Variants in P4HA2 observed in about 807,000 individuals in gnomAD.
P4HA2 encodes prolyl 4-hydroxylase subunit alpha-2.
A neutral mutation model predicts 76.9 loss-of-function variants in P4HA2; 46 were observed. The ratio of observed to expected loss-of-function variants is 0.60; its 90% CI spans 0.47 to 0.76. P4HA2 has a LOEUF of 0.76. P4HA2 is among the 30% of genes least tolerant of loss of function. P4HA2 has a pLI of 0.00. For missense variants in P4HA2, 583 were observed against 669.4 expected, an observed-to-expected ratio of 0.87 and a Z score of 1.42; for synonymous variants, 243 against 254.0, an observed-to-expected ratio of 0.96 and a Z score of 0.41.
intron 4 of P4HA2, among the ~76,000 whole-genome samples, chr5:132,215,189 G>A (rs1268536446): frequency 6.6e-6 from 1 of 152,222 alleles, no homozygotes; most frequent in Non-Finnish European, 1.5e-5. Context: ...TTAGAATCTG[G>A]TGGGGTGGGA....
chr5:132,193,383 C>T (rs1750138626), intron 14 of P4HA2: 1 of 195,158 alleles, frequency 5.1e-6, no homozygotes, highest in Non-Finnish European at 1.0e-5. Flanking sequence ...GCTCTATTCC[C>T]ATGGCAACCT....
intron 5 of P4HA2, 24 bp from the exon 6 acceptor site, chr5:132,210,547 C>G: frequency 6.2e-7 from 1 of 1,613,416 alleles, no homozygotes; most frequent in Non-Finnish European, 8.5e-7. Context: ...AGTAAATTGT[C>G]AGGCTCCAAA....
At chr5:132,209,075 G>T in intron 7 of P4HA2, 63 bp downstream of exon 7, 2 of 1,250,642 alleles carry the variant, frequency 1.6e-6, no homozygotes, top group Non-Finnish European at 2.3e-6. Context: ...CCCCAAATCT[G>T]CCTGCCCAGA....
chr5:132,195,164 A>G, intron 13 of P4HA2, 142 bp from the exon 14 acceptor site: 1 of 656,696 alleles, frequency 1.5e-6, no homozygotes, highest in Non-Finnish European at 2.7e-6. Context: ...GGACTCCAGC[A>G]ACAGAGACAT....
intron 1 of P4HA2, among the ~76,000 whole-genome samples, chr5:132,220,284 A>C (rs1170425051): frequency 6.6e-6 from 1 of 152,198 alleles, no homozygotes; most frequent in Non-Finnish European, 1.5e-5. Flanking sequence ...CTTATACCTA[A>C]GGGATTGGGT....
rs761665006 is a variant in P4HA2, at chr5:132,209,374, A to ATC, written c.710-45_710-44dup. On this transcript the variant is annotated intron_variant, in intron 6 of 14. Coordinates refer to ENST00000360568, the MANE Select transcript of P4HA2 (RefSeq NM_001017974.2). ...TGAGAAGGAAAAGGAAACCACAAAC[A>ATC]TCTGTTAGGTCATTTAGAGAAATTA... 3.4e-6 allele frequency: 5 copies of ATC among 1,467,098 alleles called. No homozygotes were observed. In the African/African-American group the frequency reaches 7.0e-5, roughly 21 times the overall value. 90.9% of individuals were successfully genotyped at this position (1,467,098 alleles called of 1,614,324 possible).
chr5:132,199,764 T>C (rs1225737191), intron 10 of P4HA2: 1 of 152,274 alleles, frequency 6.6e-6, no homozygotes, highest in Non-Finnish European at 1.5e-5. Context: ...CAGTTGGCTA[T>C]TGTGTCTCAC....
chr5:132,218,587 CA>C lies in P4HA2; in HGVS notation c.39del (p.Phe13LeufsTer4). On this transcript the variant is annotated frameshift_variant, in exon 2 of 15. Coordinates refer to ENST00000360568, the MANE Select transcript of P4HA2 (RefSeq NM_001017974.2). LOFTEE classifies it high-confidence loss of function. ...TCGGCCTGCACACAGCTCAGGACAC[CA>C]AACCAGGCCATCAGCAATGCAGACA... ...LWVSALLMAW[F>X]GVLSCVQAEF... The C allele has an allele frequency of 1.2e-6, 2 of 1,613,952 alleles. No homozygotes were observed. Among genetic ancestry groups the C allele is most frequent in the Non-Finnish European group, 1.7e-6 (2 of 1,179,888 alleles).
intron 5 of P4HA2, among the ~76,000 whole-genome samples, chr5:132,210,982 G>T (rs1408754412): frequency 1.3e-5 from 2 of 152,222 alleles, no homozygotes; most frequent in Non-Finnish European, 2.9e-5. Context: ...TCTGAGGAAA[G>T]AATGGAGAAG....
At position 132,207,755 on chromosome 5, in the gene P4HA2, T is replaced by C. The variant is rs753657253; in HGVS notation, c.1033A>G (p.Met345Val). Residue 345 changes from methionine (M) to valine (V), a missense_variant, in exon 8 of 15, where the codon ATG becomes GTG. By Grantham distance (21) the Met-to-Val change is conservative (BLOSUM62 1). Coordinates refer to ENST00000360568, the MANE Select transcript of P4HA2 (RefSeq NM_001017974.2). ...SPHIVRYYDV[M>V]SDEEIERIKE... ...ATCCTCTCGATTTCCTCATCAGACA[T>C]GACATCGTAGTACCTGACGATGTGC... is the stretch of plus-strand genomic sequence containing the variant. 1 of 1,613,964 alleles carries C rather than the reference T, an allele frequency of 6.2e-7. No homozygotes were observed. Among genetic ancestry groups the C allele is most frequent in the East Asian group, 2.2e-5 (1 of 44,860 alleles).
At position 132,209,180 on chromosome 5, in the gene P4HA2, C is replaced by A. The variant is rs1014952802; in HGVS notation, c.861G>T (p.Arg287Ser). ...CACGACAGAGGCTCTCGTAAACATC[C>A]CTCTCAGGCAGGTAGTCCACAGGCC... ...YERPVDYLPE[R>S]DVYESLCRGE... The change falls in exon 7 of 15, where the codon AGG becomes AGT. Residue 287 changes from arginine to serine, a missense_variant. Arg to Ser is a moderately radical substitution (Grantham distance 110, BLOSUM62 -1). Coordinates refer to ENST00000360568, the MANE Select transcript of P4HA2 (RefSeq NM_001017974.2). 1.2e-6 allele frequency: 2 copies of A among 1,613,866 alleles called. No homozygotes were observed. The highest frequency in any genetic ancestry group is 2.7e-5 in the African/African-American group (2 of 74,898).
In P4HA2 at chr5:132,204,107, C is replaced by A. The variant is rs201956342; in HGVS notation, c.1126G>T (p.Val376Phe). ...VRDPKTGVLT[V>F]ASYRVSKSSW... The stretch of plus-strand genomic sequence containing the variant: ...CTTTTGGAAACCCGGTAGCTGGCGA[C>A]AGTGAGGACTCCTGTCTTGGGATCA... Residue 376 changes from valine (V) to phenylalanine (F), a missense_variant, in exon 9 of 15, where the codon GTC becomes TTC. Physicochemically the swap from Val to Phe is conservative, Grantham distance 50 (BLOSUM62 -1). Coordinates refer to ENST00000360568, the MANE Select transcript of P4HA2 (RefSeq NM_001017974.2). 51 of 1,613,930 alleles carry A rather than the reference C, an allele frequency of 3.2e-5. No individual in the cohort carries two copies. Among genetic ancestry groups the A allele is most frequent in the Non-Finnish European group, 4.3e-5 (51 of 1,179,872 alleles).
At chr5:132,195,672 A>AAAT (rs1358576607) in intron 12 of P4HA2, 192 bp from the exon 13 acceptor site, 1 of 619,264 alleles carries the variant, frequency 1.6e-6, no homozygotes. Context: ...GTGATTCATT[A>AAAT]GAACAGTCTC....
chr5:132,214,137 G>T, intron 4 of P4HA2, 84 bp from the exon 5 acceptor site: 1 of 1,410,246 alleles, frequency 7.1e-7, no homozygotes, highest in Non-Finnish European at 9.8e-7. Context: ...GCCACAAAGA[G>T]GGTCTCTGGC....
intron 12 of P4HA2, 177 bp downstream of exon 12, chr5:132,198,144 A>G: frequency 1.2e-6 from 2 of 1,608,440 alleles, no homozygotes; most frequent in South Asian, 2.2e-5. Flanking sequence ...TGGGGGTGGG[A>G]TATAAGGCAG....
rs1023089292 is a variant in P4HA2 at position 132,193,915 on chromosome 5, G to A, written c.1532-835C>T. 3.1e-4 allele frequency among the ~76,000 whole-genome samples: 47 copies of A among 151,808 alleles called. 1 individual carries two copies. Among genetic ancestry groups the A allele is most frequent in the East Asian group, 3.9e-4 (2 of 5,186 alleles). On this transcript the variant is annotated intron_variant, in intron 14 of 14. Coordinates refer to ENST00000360568, the MANE Select transcript of P4HA2 (RefSeq NM_001017974.2). ...CTTCATTGAAAAAAATAAAATTGTCGCAAGGCTTATAATGATAAATAGCAC... is the reference window on the plus strand; with the variant it reads ...CTTCATTGAAAAAAATAAAATTGTCACAAGGCTTATAATGATAAATAGCAC...
intron 12 of P4HA2, 117 bp downstream of exon 12, chr5:132,198,204 A>T: frequency 1.9e-6 from 3 of 1,614,104 alleles, no homozygotes; most frequent in Non-Finnish European, 2.5e-6. Flanking sequence ...CATCATACTC[A>T]CGTAGTTTAA....
At chr5:132,206,033 C>G (rs946007289) in intron 8 of P4HA2, among the ~76,000 whole-genome samples, 4 of 152,162 alleles carry the variant, frequency 2.6e-5, no homozygotes, top group Admixed American at 6.5e-5. Flanking sequence ...AAGGAGGGGT[C>G]AGCTTATCTT....
chr5:132,205,908 T>C (rs1241451771), intron 8 of P4HA2, among the ~76,000 whole-genome samples: 2 of 152,144 alleles, frequency 1.3e-5, no homozygotes, highest in East Asian at 1.9e-4. Context: ...CAGGGCTATT[T>C]TGAAAGCAGG....
Sources: gnomAD v4.1 joint callset for allele counts (sites outside exome capture counted in the v4.1 genomes callset) on GRCh38, gnomAD v4.1.1 for gene constraint, MANE v1.5 for transcripts, NCBI Gene and HGNC (gene_info 2026-07-23, HGNC 2026-07-21) for gene names.